Variants in ZNF652 observed in about 807,000 individuals in gnomAD.
The protein encoded by ZNF652 is zinc finger protein 652.
A neutral mutation model predicts 45.2 loss-of-function variants in ZNF652; 16 were observed. The ratio of observed to expected loss-of-function variants is 0.35; its 90% confidence interval spans 0.24 to 0.54. The LOEUF (loss-of-function observed/expected upper bound fraction) is 0.54. Among genes scored for constraint, ZNF652 ranks in the 20% least tolerant of loss-of-function variants. ZNF652 has a pLI of 0.91. For synonymous variants in ZNF652, 250 were observed against 260.6 expected, an observed-to-expected ratio of 0.96 and a Z score of 0.39; for missense variants, 614 against 765.6, an observed-to-expected ratio of 0.80 and a Z score of 2.34.
chr17:49,304,925 CAT>C (rs1052151672), intron 5 of ZNF652, among the ~76,000 whole-genome samples: 5 of 151,890 alleles, frequency 3.3e-5, no homozygotes, highest in Non-Finnish European at 7.4e-5. Flanking sequence ...TACACACACA[CAT>C]ACCTACATAT....
intron 1 of ZNF652, among the ~76,000 whole-genome samples, chr17:49,329,049 T>A (rs528041425): frequency 7.2e-5 from 11 of 152,310 alleles, no homozygotes; most frequent in African/African-American, 2.6e-4. Context: ...TCCAGACTCA[T>A]GTTTGAGGGT....
chr17:49,348,479 A>AAAAGG (rs2070231690), intron 1 of ZNF652, among the ~76,000 whole-genome samples: 1 of 111,874 alleles, frequency 8.9e-6, no homozygotes, highest in East Asian at 2.8e-4. Flanking sequence ...CCTTGCCTCA[A>AAAAGG]AAAAGAAAAG....
chr17:49,350,946 G>T (rs1254467089), intron 1 of ZNF652, among the ~76,000 whole-genome samples: 1 of 126,824 alleles, frequency 7.9e-6, no homozygotes, highest in East Asian at 2.5e-4. Context: ...TTCCAGTCTG[G>T]GTGACAGAGC....
intron 1 of ZNF652, among the ~76,000 whole-genome samples, chr17:49,334,701 C>T (rs1010445342): frequency 6.6e-6 from 1 of 151,552 alleles, no homozygotes; most frequent in Non-Finnish European, 1.5e-5. Context: ...ATTGCTTGAA[C>T]TCAGGAGGCA....
Position 49,316,995 on chromosome 17 carries a change from G to A in ZNF652, c.731C>T (p.Thr244Ile). ...CCTGGGGCACTTCTCACAGGTCAGAGTCTCTTTCTCTTCACACTTAGCTTT... is the reference window on the plus strand; with the variant it reads ...CCTGGGGCACTTCTCACAGGTCAGAATCTCTTTCTCTTCACACTTAGCTTT... ...VQKAKCEEKETLTCEKCPRVF... is the reference protein window; with the variant it reads ...VQKAKCEEKEILTCEKCPRVF... Residue 244 changes from threonine to isoleucine, a missense_variant, in exon 2 of 6, where the codon ACT becomes ATT. Physicochemically the swap from Thr to Ile is moderately conservative, Grantham distance 89. This residue lies in a region of ZNF652 where 262 missense variants were observed against 306.3 expected (regional missense o/e 0.86). Coordinates refer to ENST00000430262, the MANE Select transcript of ZNF652 (RefSeq NM_001145365.3). 6.2e-7 allele frequency: 1 copy of A among 1,614,134 alleles called. No homozygotes were observed. Among genetic ancestry groups the A allele is most frequent in the South Asian group, 1.1e-5 (1 of 91,082 alleles).
chr17:49,306,607 A>G (rs1377613200), intron 5 of ZNF652, among the ~76,000 whole-genome samples: 2 of 152,152 alleles, frequency 1.3e-5, no homozygotes, highest in Admixed American at 6.6e-5. Flanking sequence ...ATTTTCATAC[A>G]GCTGGTGGGA....
At position 49,297,745 on chromosome 17, in the gene ZNF652, A is replaced by G. The variant is rs2143691884; in HGVS notation, c.*668T>C. On this transcript the variant is annotated 3_prime_UTR_variant, in exon 6 of 6. Coordinates refer to ENST00000430262, the MANE Select transcript of ZNF652 (RefSeq NM_001145365.3). ...TATAAAAATTTTTTTCTATTTTACA[A>G]CATAGGTTCAGCTACACTGAAAAAA... 1 of 152,804 alleles carries G rather than the reference A, an allele frequency of 6.5e-6. No homozygotes were observed. Among genetic ancestry groups the G allele is most frequent in the Middle Eastern group, 3.4e-3 (1 of 294 alleles). The allele number at this position is 152,804 out of a possible 1,614,324, so 9.5% of individuals were successfully genotyped here. A position where few individuals can be genotyped will look rare whatever the true frequency, so the allele number is the denominator to read the frequency against.
chr17:49,314,458 CCTTA>C (rs1053362631), intron 2 of ZNF652, among the ~76,000 whole-genome samples: 25 of 152,180 alleles, frequency 1.6e-4, no homozygotes, highest in East Asian at 3.9e-4. Flanking sequence ...CTGCACCCAG[CCTTA>C]CTGTTTCTTT....
At chr17:49,359,353 G>A (rs762750427) in intron 1 of ZNF652, among the ~76,000 whole-genome samples, 1 of 152,182 alleles carries the variant, frequency 6.6e-6, no homozygotes, top group Non-Finnish European at 1.5e-5. Flanking sequence ...TATAGGGTAT[G>A]CTGCATAATT....
intron 1 of ZNF652, among the ~76,000 whole-genome samples, chr17:49,334,846 T>C (rs2070063424): frequency 6.6e-6 from 1 of 151,098 alleles, no homozygotes; most frequent in Non-Finnish European, 1.5e-5. Flanking sequence ...GAAAGCATTA[T>C]GCTAAGTGAA....
intron 5 of ZNF652, among the ~76,000 whole-genome samples, chr17:49,308,306 T>C (rs1305800321): frequency 1.3e-5 from 2 of 152,066 alleles, no homozygotes; most frequent in Non-Finnish European, 2.9e-5. Flanking sequence ...GCCTCCCAAG[T>C]AGCTGGGACC....
intron 1 of ZNF652, among the ~76,000 whole-genome samples, chr17:49,333,354 G>A (rs1170043411): frequency 6.7e-6 from 1 of 149,898 alleles, no homozygotes; most frequent in Non-Finnish European, 1.5e-5. Flanking sequence ...ACTGCACCCG[G>A]CCAAAATGAA....
downstream of ZNF652, among the ~76,000 whole-genome samples, chr17:49,288,141 C>A (rs2069361292): frequency 6.6e-6 from 1 of 150,536 alleles, no homozygotes. Context: ...CTTTTATTCA[C>A]TTATATAAAT....
At chr17:49,307,096 A>G (rs1446929211) in intron 5 of ZNF652, among the ~76,000 whole-genome samples, 2 of 152,114 alleles carry the variant, frequency 1.3e-5, no homozygotes, top group East Asian at 1.9e-4. Context: ...CAGAAATAAC[A>G]TAAATGTCTA....
chr17:49,361,354 G>GGGA (rs1423920395), intron 1 of ZNF652: 1 of 152,482 alleles, frequency 6.6e-6, no homozygotes. Flanking sequence ...CTGATTGGAG[G>GGGA]GGAGGAGGAG....
intron 1 of ZNF652, among the ~76,000 whole-genome samples, chr17:49,348,937 G>T (rs550462507): frequency 6.6e-6 from 1 of 151,936 alleles, no homozygotes; most frequent in Admixed American, 6.6e-5. Flanking sequence ...CTAATAAGTG[G>T]TATGCTTCTG....
chr17:49,341,010 G>A (rs2070139432), intron 1 of ZNF652, among the ~76,000 whole-genome samples: 2 of 152,222 alleles, frequency 1.3e-5, no homozygotes, highest in Middle Eastern at 6.8e-3. Context: ...CAAGCCAGGA[G>A]TTCGAGATCA....
At chr17:49,351,575 G>T (rs918615416) in intron 1 of ZNF652, among the ~76,000 whole-genome samples, 1 of 151,830 alleles carries the variant, frequency 6.6e-6, no homozygotes, top group Non-Finnish European at 1.5e-5. Flanking sequence ...TCAAAACCAC[G>T]GACATACATA....
chr17:49,327,753 ATATATATATATATATATATATATATAT>A (rs1467775340), intron 1 of ZNF652, among the ~76,000 whole-genome samples: 6,720 of 17,658 alleles, frequency 0.38, 461 homozygotes, highest in Admixed American at 0.41. Flanking sequence ...ATATATATAT[ATATATATATATATATATATATATATAT>A]TTTTTTTTTT....
Sources: allele counts gnomAD v4.1 joint callset (sites outside exome capture counted in the v4.1 genomes callset), GRCh38; gene constraint gnomAD v4.1.1; regional missense constraint gnomAD v4.1.1; transcripts MANE v1.5; gene names NCBI Gene and HGNC (gene_info 2026-07-23, HGNC 2026-07-21).